The following ENKUR variants were observed in gnomAD, a reference collection of about 807,000 sequenced individuals.
The protein encoded by ENKUR is enkurin.
In ENKUR, 19 loss-of-function variants were observed where a neutral mutation model predicts 27.6. The observed-to-expected ratio is 0.69, with a 90% confidence interval of 0.48 to 1.01. The LOEUF (loss-of-function observed/expected upper bound fraction) is 1.01. Ranked by LOEUF, ENKUR falls within the 50% of genes least tolerant of loss-of-function variation. The pLI is 0.00. For synonymous variants in ENKUR, 117 were observed against 96.9 expected, an observed-to-expected ratio of 1.21 and a Z score of -1.22; for missense variants, 312 against 310.5, an observed-to-expected ratio of 1.00 and a Z score of -0.04.
intron 2 of ENKUR, among the ~76,000 whole-genome samples, chr10:24,997,376 C>T (rs1338125169): frequency 1.4e-5 from 2 of 147,918 alleles, no homozygotes; most frequent in Non-Finnish European, 3.0e-5. Flanking sequence ...ACCCTGCATT[C>T]CTTTTTTTTT....
Position 24,984,379 on chromosome 10 carries a change from G to GAAAAA in ENKUR, c.765-4_765-3insTTTTT. On this transcript the variant is annotated splice_polypyrimidine_tract_variant and splice_region_variant and intron_variant, in intron 5 of 5. Coordinates refer to ENST00000331161, the MANE Select transcript of ENKUR (RefSeq NM_145010.4). ...AGTTGTGCTGTTGGTATCATGCGCT[G>GAAAAA]CAGAAAAAAAAAAAAAAAAGTGAAG... 7.0e-7 allele frequency: 1 copy of GAAAAA among 1,423,582 alleles called. No homozygotes were observed. The highest frequency in any genetic ancestry group is 1.4e-5 in the South Asian group (1 of 70,020). The allele number at this position is 1,423,582 out of a possible 1,614,324, so 88.2% of individuals were successfully genotyped here.
intron 2 of ENKUR, chr10:25,026,611 T>A (rs921051254): frequency 6.1e-6 from 1 of 164,640 alleles, no homozygotes; most frequent in Admixed American, 6.5e-5. Flanking sequence ...CCATGATTTA[T>A]GTTTGTGAAT....
intron 2 of ENKUR, chr10:25,026,435 A>G (rs1441473408): frequency 6.0e-6 from 1 of 167,100 alleles, no homozygotes; most frequent in Non-Finnish European, 1.5e-5. Flanking sequence ...AGTAGTCTCA[A>G]TAGGAGTGTA....
chr10:25,041,161 G>A (rs545234765), intron 2 of ENKUR, among the ~76,000 whole-genome samples: 16 of 152,210 alleles, frequency 1.1e-4, no homozygotes, highest in Admixed American at 5.2e-4. Context: ...CTAAGATAAA[G>A]GGCGTGAATG....
At chr10:25,059,743 C>T (rs899985541) in intron 2 of ENKUR, among the ~76,000 whole-genome samples, 3 of 151,908 alleles carry the variant, frequency 2.0e-5, no homozygotes, top group Admixed American at 6.6e-5. Flanking sequence ...ATTGCTTGAA[C>T]AACCCAGGAG....
intron 1 of ENKUR, among the ~76,000 whole-genome samples, chr10:25,003,566 T>C (rs181126757): frequency 2.0e-5 from 3 of 152,366 alleles, no homozygotes; most frequent in African/African-American, 7.2e-5. Flanking sequence ...TAGTGTGATA[T>C]CTTAATACAC....
intron 2 of ENKUR, among the ~76,000 whole-genome samples, chr10:24,997,377 CTTTTTTT>C (rs78966878): frequency 7.2e-6 from 1 of 139,150 alleles, no homozygotes; most frequent in East Asian, 2.1e-4. Context: ...CCCTGCATTC[CTTTTTTT>C]TTTTTTTTTC....
rs372887847 is a variant in ENKUR, at chr10:25,021,187, A to G, written c.38-25318T>C. On this transcript the variant is annotated intron_variant, in intron 2 of 5. Coordinates refer to the ENKUR transcript ENST00000615958. The stretch of plus-strand genomic sequence containing the variant: ...ATTCCTAGCCCACTGTCAGTGAGTG[A>G]CAATGATTAATCTTACTGTAAATAT... Among the ~76,000 whole-genome samples, 9 of 152,348 alleles carry G rather than the reference A, an allele frequency of 5.9e-5. No homozygotes were observed. In the East Asian group the frequency reaches 1.2e-3, roughly 20 times the overall value.
At chr10:25,033,734 C>T (rs1850963152) in intron 2 of ENKUR, among the ~76,000 whole-genome samples, 1 of 152,062 alleles carries the variant, frequency 6.6e-6, no homozygotes, top group South Asian at 2.1e-4. Flanking sequence ...GAAAGTGCAA[C>T]ATAAAATTTG....
At chr10:25,015,752 C>T in intron 1 of ENKUR, 108 bp downstream of exon 1, 1 of 1,066,468 alleles carries the variant, frequency 9.4e-7, no homozygotes, top group Non-Finnish European at 1.2e-6. Context: ...TTCATCGAGG[C>T]AAAAATACAT....
Position 24,995,714 on chromosome 10 carries a change from C to CA in ENKUR, c.378dup (p.Asp127Ter). ...TCATGCTTGTCTCCAGTTCTTTTAT[C>CA]AACATAAATTGGTTTAGGCTTTTTA... On this transcript the variant is annotated frameshift_variant, in exon 3 of 6. Coordinates refer to ENST00000331161, the MANE Select transcript of ENKUR (RefSeq NM_145010.4). LOFTEE classifies it high-confidence loss of function. 1 of 1,614,002 alleles carries CA rather than the reference C, an allele frequency of 6.2e-7. No individual in the cohort carries two copies. The highest frequency in any genetic ancestry group is 8.5e-7 in the Non-Finnish European group (1 of 1,179,968).
chr10:24,990,890 A>G (rs1039211305), intron 3 of ENKUR, among the ~76,000 whole-genome samples: 1 of 152,176 alleles, frequency 6.6e-6, no homozygotes, highest in Non-Finnish European at 1.5e-5. Context: ...ACTTGAGGTC[A>G]GGAGTTCGAG....
chr10:24,990,765 C>T (rs1849909878), intron 3 of ENKUR, among the ~76,000 whole-genome samples, 156 bp from the exon 4 acceptor site: 1 of 152,184 alleles, frequency 6.6e-6, no homozygotes, highest in African/African-American at 2.4e-5. Context: ...TTTTTTCCCT[C>T]CATTGAGAGC....
chr10:25,013,220 CTT>C (rs1850491044), intron 1 of ENKUR, among the ~76,000 whole-genome samples: 1 of 152,058 alleles, frequency 6.6e-6, no homozygotes, highest in Non-Finnish European at 1.5e-5. Context: ...TCGAGTATGT[CTT>C]TATTAGCAGC....
chr10:25,024,402 A>G, intron 2 of ENKUR: 2 of 1,613,920 alleles, frequency 1.2e-6, no homozygotes, highest in Non-Finnish European at 1.7e-6. Context: ...TTAGTCGTCT[A>G]AATAAGAATG....
At chr10:25,017,061 C>CG (rs1244235446), upstream of ENKUR, among the ~76,000 whole-genome samples, 4 of 152,184 alleles carry the variant, frequency 2.6e-5, no homozygotes, top group African/African-American at 4.8e-5. Flanking sequence ...GGGCGGTCCT[C>CG]CGGGTCGGCT....
chr10:25,043,794 G>T (rs1851091319), intron 2 of ENKUR, among the ~76,000 whole-genome samples: 1 of 151,494 alleles, frequency 6.6e-6, no homozygotes, highest in South Asian at 2.1e-4. Flanking sequence ...TTTCCTTTGA[G>T]CTCCAATTTA....
chr10:25,061,833 G>A (rs1289631621), intron 1 of ENKUR, among the ~76,000 whole-genome samples: 5 of 152,108 alleles, frequency 3.3e-5, no homozygotes, highest in South Asian at 2.1e-4. Flanking sequence ...AGTCTGAGGC[G>A]TGACTGCTGC....
Position 24,982,585 on chromosome 10 carries a change from G to T in ENKUR, c.*1785C>A, listed in dbSNP as rs759852411. On this transcript the variant is annotated 3_prime_UTR_variant, in exon 6 of 6. Transcript: ENST00000331161. ...TTAATTCATGCTCTCAAGAGAGAGA[G>T]AATCTGATCAGTCACTGGTCAGCTG... The T allele has an allele frequency of 6.6e-6, 1 of 152,216 alleles. No individual in the cohort carries two copies. Among genetic ancestry groups the T allele is most frequent in the Admixed American group, 6.5e-5 (1 of 15,276 alleles). The allele number at this position is 152,216 out of a possible 1,614,324, so 9.4% of individuals were successfully genotyped here.
Sources: gnomAD v4.1 joint callset for allele counts (sites outside exome capture counted in the v4.1 genomes callset) on GRCh38, gnomAD v4.1.1 for gene constraint, MANE v1.5 for transcripts, NCBI Gene and HGNC (gene_info 2026-07-23, HGNC 2026-07-21) for gene names.